SLC4A4: variants seen among roughly 807,000 people sequenced by gnomAD.
SLC4A4 encodes electrogenic sodium bicarbonate cotransporter 1.
Under a neutral mutation model 111.5 loss-of-function variants are expected in SLC4A4, and 27 were observed. The ratio of observed to expected loss-of-function variants is 0.24; its 90% CI spans 0.18 to 0.33. The LOEUF (loss-of-function observed/expected upper bound fraction) is 0.33, where lower values mean the gene tolerates loss of function less well. SLC4A4 is among the 10% of genes least tolerant of loss of function. The pLI, the probability that SLC4A4 is intolerant of heterozygous loss-of-function variation, is 1.00. For synonymous variants in SLC4A4, 443 were observed against 463.4 expected (o/e 0.96, Z 0.57); for missense variants, 909 against 1,315.5 (o/e 0.69, Z 4.78).
chr4:71,272,769 C>T (rs534851152), intron 3 of SLC4A4, among the ~76,000 whole-genome samples: 58 of 152,100 alleles, frequency 3.8e-4, no homozygotes, highest in Non-Finnish European at 8.2e-4. Context: ...TTCACAACTA[C>T]AAGAAAACCT....
chr4:71,201,484 C>T (rs1746248717), intron 1 of SLC4A4, among the ~76,000 whole-genome samples: 1 of 152,184 alleles, frequency 6.6e-6, no homozygotes. Context: ...CTGGGCTGCA[C>T]AGCACAGCAC....
chr4:71,379,752 G>A (rs1336328239), intron 6 of SLC4A4, among the ~76,000 whole-genome samples: 1 of 152,058 alleles, frequency 6.6e-6, no homozygotes, highest in African/African-American at 2.4e-5. Flanking sequence ...TTGACTATTG[G>A]ACAAAACAGA....
intron 12 of SLC4A4, among the ~76,000 whole-genome samples, chr4:71,464,805 T>G (rs1330583992): frequency 1.3e-5 from 2 of 152,174 alleles, no homozygotes; most frequent in African/African-American, 4.8e-5. Context: ...TGGAGAATGT[T>G]GCTGTCTCTG....
chr4:71,168,856 G>C (rs775100666), intron 2 of SLC4A4, among the ~76,000 whole-genome samples: 8 of 152,026 alleles, frequency 5.3e-5, no homozygotes, highest in Non-Finnish European at 8.8e-5. Flanking sequence ...TTCCCCTGTT[G>C]ATGGGCACTT....
chr4:71,087,987 C>G (rs1229635248), intron 1 of SLC4A4, among the ~76,000 whole-genome samples: 1 of 151,690 alleles, frequency 6.6e-6, no homozygotes, highest in East Asian at 1.9e-4. Flanking sequence ...ATTCATCTGT[C>G]TAATGTTGAC....
chr4:71,277,420 A>T (rs1371852307), intron 3 of SLC4A4, among the ~76,000 whole-genome samples: 2 of 151,800 alleles, frequency 1.3e-5, no homozygotes. Context: ...CTTTTTTGCC[A>T]TCTGTGTATC....
rs763924581 is a variant in SLC4A4, at chr4:71,373,814, A to G, written c.730+16627A>G. On this transcript the variant is annotated intron_variant, in intron 6 of 25. Coordinates refer to ENST00000264485, the MANE Select transcript of SLC4A4 (RefSeq NM_001098484.3). ...GGAAGTGGAAAGGAGGGGATAATGC[A>G]AGAAATGTTATAGGAATGGTGTTGT... Among the ~76,000 whole-genome samples the G allele has an allele frequency of 3.9e-4, 59 of 152,148 alleles. 1 individual carries two copies. Among genetic ancestry groups the G allele is most frequent in the Non-Finnish European group, 5.9e-4 (40 of 68,008 alleles).
At chr4:71,439,940 C>T (rs1724567550) in intron 7 of SLC4A4, among the ~76,000 whole-genome samples, 1 of 151,848 alleles carries the variant, frequency 6.6e-6, no homozygotes, top group Non-Finnish European at 1.5e-5. Context: ...GTTTTCTCTC[C>T]TTTGTTCCTT....
chr4:71,417,652 C>T (rs1721941839), intron 7 of SLC4A4, among the ~76,000 whole-genome samples: 2 of 152,112 alleles, frequency 1.3e-5, no homozygotes, highest in African/African-American at 4.8e-5. Flanking sequence ...TGTCTCTGTC[C>T]CACTTTATTT....
intron 2 of SLC4A4, among the ~76,000 whole-genome samples, chr4:71,113,318 A>G (rs1743146948): frequency 6.6e-6 from 1 of 152,218 alleles, no homozygotes; most frequent in African/African-American, 2.4e-5. Context: ...ACATATCCAC[A>G]TACCCTGAAA....
At chr4:71,300,450 C>A in intron 3 of SLC4A4, 1 of 238,092 alleles carries the variant, frequency 4.2e-6, no homozygotes. Flanking sequence ...AGGAGCAGTC[C>A]ATTTAGCCCT....
intron 12 of SLC4A4, among the ~76,000 whole-genome samples, chr4:71,463,868 C>A (rs1727070480): frequency 6.6e-6 from 1 of 152,134 alleles, no homozygotes; most frequent in African/African-American, 2.4e-5. Flanking sequence ...AGATTAATAG[C>A]TATGTCAAAT....
intron 15 of SLC4A4, among the ~76,000 whole-genome samples, chr4:71,490,890 T>C (rs7672276): frequency 0.95 from 144,905 of 151,886 alleles, 69,495 homozygotes; most frequent in East Asian, 1. Flanking sequence ...TGTAGGGTTA[T>C]AGTGAGCTAC....
At chr4:71,154,647 AT>A (rs1744410052) in intron 2 of SLC4A4, among the ~76,000 whole-genome samples, 1 of 152,202 alleles carries the variant, frequency 6.6e-6, no homozygotes, top group Non-Finnish European at 1.5e-5. Flanking sequence ...ATAAAAAGAA[AT>A]AAATATTGTA....
At chr4:71,127,346 T>G (rs78366729) in intron 2 of SLC4A4, among the ~76,000 whole-genome samples, 1,835 of 152,306 alleles carry the variant, frequency 0.012, 22 homozygotes, top group South Asian at 0.024. Flanking sequence ...CTACACATAC[T>G]ATAATAATGT....
At chr4:71,318,451 C>G (rs1726866850) in intron 3 of SLC4A4, among the ~76,000 whole-genome samples, 1 of 151,948 alleles carries the variant, frequency 6.6e-6, no homozygotes, top group Admixed American at 6.6e-5. Context: ...ACATAAACAT[C>G]TATATGACAT....
chr4:71,230,801 G>A (rs548176011), intron 1 of SLC4A4, among the ~76,000 whole-genome samples: 1 of 152,176 alleles, frequency 6.6e-6, no homozygotes, highest in Non-Finnish European at 1.5e-5. Flanking sequence ...TACAAGCTCC[G>A]GAGTGGATCC....
At chr4:71,274,927 A>G (rs905204962) in intron 3 of SLC4A4, among the ~76,000 whole-genome samples, 1 of 152,234 alleles carries the variant, frequency 6.6e-6, no homozygotes, top group African/African-American at 2.4e-5. Flanking sequence ...CAGAGAGGAA[A>G]TAAATGCAAA....
chr4:71,201,588 T>C (rs758108014), intron 1 of SLC4A4, among the ~76,000 whole-genome samples: 13 of 152,184 alleles, frequency 8.5e-5, no homozygotes, highest in Admixed American at 3.9e-4. Flanking sequence ...AGTTAATGAA[T>C]GTGAAATGCC....
Sources: allele counts gnomAD v4.1 joint callset (sites outside exome capture counted in the v4.1 genomes callset), GRCh38; gene constraint gnomAD v4.1.1; transcripts MANE v1.5; gene names NCBI Gene and HGNC (gene_info 2026-07-23, HGNC 2026-07-21).